MYT1L: variants seen among roughly 807,000 people sequenced by gnomAD.
MYT1L encodes the protein myelin transcription factor 1 like.
In MYT1L, 12 loss-of-function variants were observed where a neutral mutation model predicts 126.7. That is an observed-to-expected ratio of 0.09 (90% CI 0.06 to 0.15). The LOEUF (loss-of-function observed/expected upper bound fraction) is 0.15. MYT1L is among the 10% of genes least tolerant of loss of function. The pLI, the probability that MYT1L is intolerant of heterozygous loss-of-function variation, is 1.00. For synonymous variants in MYT1L, 541 were observed against 604.2 expected, an observed-to-expected ratio of 0.90 and a Z score of 1.53; for missense variants, 979 against 1,585.2, an observed-to-expected ratio of 0.62 and a Z score of 6.49.
At chr2:1,822,582 G>T (rs558937402) in intron 21 of MYT1L, among the ~76,000 whole-genome samples, 111 of 152,356 alleles carry the variant, frequency 7.3e-4, no homozygotes, top group African/African-American at 2.6e-3. Context: ...GGAGGCAGAA[G>T]TGTGGCCTAC....
intron 2 of MYT1L, among the ~76,000 whole-genome samples, chr2:2,246,625 G>A (rs1471612400): frequency 6.6e-6 from 1 of 152,174 alleles, no homozygotes; most frequent in African/African-American, 2.4e-5. Flanking sequence ...GTGTATGAGT[G>A]ATTGTGCTGT....
rs76596367 is a variant in MYT1L, at chr2:1,849,469, G to A, written c.2774+2172C>T. On this transcript the variant is annotated intron_variant, in intron 19 of 24. Coordinates refer to ENST00000647738, the MANE Select transcript of MYT1L (RefSeq NM_001303052.2). ...TGCTGCCTGGTGAAGCCACATCAAT[G>A]TCATAAGCCCTCTGCTGCCCTGGGT... Among the ~76,000 whole-genome samples, 1,314 of 152,326 alleles carry A rather than the reference G, an allele frequency of 8.6e-3. 28 individuals carry two copies. The highest frequency in any genetic ancestry group is 0.03 in the African/African-American group (1,257 of 41,560).
At chr2:2,238,588 T>G (rs2094374020) in intron 2 of MYT1L, among the ~76,000 whole-genome samples, 2 of 152,194 alleles carry the variant, frequency 1.3e-5, no homozygotes, top group Non-Finnish European at 2.9e-5. Flanking sequence ...CAGGGAACGC[T>G]AAGGGATCGG....
intron 2 of MYT1L, among the ~76,000 whole-genome samples, chr2:2,206,308 A>T (rs899004765): frequency 2.0e-5 from 3 of 152,134 alleles, no homozygotes; most frequent in Admixed American, 6.6e-5. Context: ...GTCTTTGAAC[A>T]TCTATTTGTA....
chr2:1,952,636 G>A (rs983614913), intron 8 of MYT1L, among the ~76,000 whole-genome samples: 2 of 149,806 alleles, frequency 1.3e-5, no homozygotes, highest in African/African-American at 4.9e-5. Flanking sequence ...GAACCCTTGT[G>A]TGCCACGGCA....
chr2:1,900,037 G>A (rs2050128886), intron 14 of MYT1L, among the ~76,000 whole-genome samples: 1 of 152,174 alleles, frequency 6.6e-6, no homozygotes, highest in Non-Finnish European at 1.5e-5. Context: ...TATCTCCATG[G>A]CCCTGACCTT....
At chr2:1,906,023 G>A (rs929887387) in intron 13 of MYT1L, among the ~76,000 whole-genome samples, 25 of 152,044 alleles carry the variant, frequency 1.6e-4, no homozygotes, top group African/African-American at 5.1e-4. Flanking sequence ...CAGGTAACAG[G>A]TTTAAAACTA....
At chr2:2,301,164 C>T (rs2095777940) in intron 1 of MYT1L, among the ~76,000 whole-genome samples, 1 of 152,200 alleles carries the variant, frequency 6.6e-6, no homozygotes, top group Non-Finnish European at 1.5e-5. Flanking sequence ...CAGCCTTGCA[C>T]TTTTCTCTTC....
chr2:1,806,050 G>A lies in MYT1L; in HGVS notation c.3172+3026C>T, dbSNP rs12467139. ...CTGTGCCTCTGTCCCCTGAAGAGCC[G>A]CAGGAATTGGATGCTGTGCCTCTGT... On this transcript the variant is annotated intron_variant, in intron 22 of 24. Coordinates refer to ENST00000647738, the MANE Select transcript of MYT1L (RefSeq NM_001303052.2). This position sits in a 1 kb window ranked among gnomAD's most constrained non-coding sequence, Gnocchi z 4.9. 0.51 allele frequency among the ~76,000 whole-genome samples: 74,271 copies of A among 145,664 alleles called. 18,521 individuals carry two copies. The highest frequency in any genetic ancestry group is 0.65 in the South Asian group (2,890 of 4,466).
intron 3 of MYT1L, among the ~76,000 whole-genome samples, chr2:2,097,170 C>G (rs928161085): frequency 6.6e-6 from 1 of 152,152 alleles, no homozygotes; most frequent in Non-Finnish European, 1.5e-5. Flanking sequence ...TTCTCTATTC[C>G]GTGGGACTCC....
intron 4 of MYT1L, among the ~76,000 whole-genome samples, chr2:2,039,704 G>C (rs548213155): frequency 1.3e-5 from 2 of 152,352 alleles, no homozygotes; most frequent in South Asian, 4.1e-4. Context: ...GGAATAGGAT[G>C]AGTTCATTTG....
chr2:1,988,395 G>T (rs2061215311), intron 5 of MYT1L, among the ~76,000 whole-genome samples: 1 of 152,254 alleles, frequency 6.6e-6, no homozygotes, highest in Admixed American at 6.5e-5. Flanking sequence ...CCAGGGCCCT[G>T]TAGTGGGCAG....
At chr2:2,287,505 C>T (rs2095539848) in intron 1 of MYT1L, among the ~76,000 whole-genome samples, 1 of 152,074 alleles carries the variant, frequency 6.6e-6, no homozygotes. Context: ...GAGTCAGTCC[C>T]AGTCTTTTTT....
At chr2:1,808,979 A>G in intron 22 of MYT1L, 97 bp downstream of exon 22, 2 of 1,074,226 alleles carry the variant, frequency 1.9e-6, no homozygotes, top group Non-Finnish European at 1.4e-6. Context: ...TTTCTAAGAA[A>G]AGTGAGCTGT....
intron 3 of MYT1L, among the ~76,000 whole-genome samples, chr2:2,113,602 G>A (rs186770362): frequency 6.6e-6 from 1 of 152,188 alleles, no homozygotes; most frequent in Admixed American, 6.5e-5. Context: ...GCTGAAAACT[G>A]GGCCACTTTT....
At chr2:1,820,212 G>A (rs1017863516) in intron 21 of MYT1L, among the ~76,000 whole-genome samples, 3 of 152,222 alleles carry the variant, frequency 2.0e-5, no homozygotes, top group Non-Finnish European at 4.4e-5. Flanking sequence ...GTTTGGTTGA[G>A]TATAGAATAC....
At chr2:2,002,598 A>T (rs2062505403) in intron 4 of MYT1L, among the ~76,000 whole-genome samples, 1 of 152,218 alleles carries the variant, frequency 6.6e-6, no homozygotes, top group African/African-American at 2.4e-5. Context: ...AAAAGGGTGT[A>T]ATCATTTGTC....
In MYT1L at chr2:1,850,819, A is replaced by C. The variant is rs146527223; in HGVS notation, c.2774+822T>G. ...CTTCTCCTTGGTGCTTCCCGTGGGG[A>C]ATTTTCCATCCACTGACCCCAATCT... is the stretch of plus-strand genomic sequence containing the variant. On this transcript the variant is annotated intron_variant, in intron 19 of 24. Transcript: ENST00000647738. 3.2e-3 allele frequency among the ~76,000 whole-genome samples: 483 copies of C among 152,090 alleles called. 3 individuals carry two copies. Among genetic ancestry groups the C allele is most frequent in the African/African-American group, 0.011 (465 of 41,488 alleles).
chr2:2,145,366 C>A lies in MYT1L; in HGVS notation c.-304+27506G>T, dbSNP rs143949377. Among the ~76,000 whole-genome samples, 11 of 152,298 alleles carry A rather than the reference C, an allele frequency of 7.2e-5. No individual in the cohort carries two copies. The East Asian group carries it at 1.9e-3, about 27-fold the overall frequency. ...AGCGCTTCCTGAACACGCCGTCCAG[C>A]GCTCTAACCTGTGTCTGAGACAGAG... On this transcript the variant is annotated intron_variant, in intron 3 of 24. Transcript: ENST00000647738.
Sources: allele counts gnomAD v4.1 joint callset (sites outside exome capture counted in the v4.1 genomes callset), GRCh38; gene constraint gnomAD v4.1.1; non-coding constraint Gnocchi (gnomAD v3.1); transcripts MANE v1.5; gene names NCBI Gene and HGNC (gene_info 2026-07-23, HGNC 2026-07-21).